The following ZMIZ1 variants were observed in gnomAD, a reference collection of about 807,000 sequenced individuals.
ZMIZ1 encodes the protein zinc finger MIZ-type containing 1, also known as zinc finger MIZ domain-containing protein 1.
ZMIZ1 carries 17 observed loss-of-function variants against 113.9 expected under a neutral mutation model. The ratio of observed to expected loss-of-function variants is 0.15; its 90% CI spans 0.10 to 0.22. The LOEUF (loss-of-function observed/expected upper bound fraction) is 0.22. Among genes scored for constraint, ZMIZ1 ranks in the 10% least tolerant of loss-of-function variants. The pLI is 1.00. For missense variants in ZMIZ1, 1,059 were observed against 1,477.8 expected (o/e 0.72, Z 4.65); for synonymous variants, 607 against 603.1 (o/e 1.01, Z -0.09).
intron 2 of ZMIZ1, among the ~76,000 whole-genome samples, chr10:79,123,875 C>T (rs1190889848): frequency 6.6e-6 from 1 of 152,234 alleles, no homozygotes; most frequent in African/African-American, 2.4e-5. Context: ...CAGCCCGTGG[C>T]CACACGGAGC....
Position 79,128,070 on chromosome 10 carries a change from G to T in ZMIZ1, c.-227+9046G>T, listed in dbSNP as rs555046022. Among the ~76,000 whole-genome samples the T allele has an allele frequency of 9.8e-5, 15 of 152,306 alleles. No individual in the cohort carries two copies. The East Asian group carries it at 2.9e-3, about 29-fold the overall frequency. On this transcript the variant is annotated intron_variant, in intron 2 of 24. Coordinates refer to ENST00000334512, the MANE Select transcript of ZMIZ1 (RefSeq NM_020338.4). Reference sequence around the variant, plus strand: ...AGGAGGCATTGCATGCTCAGCTTCTGAGTCTAAAGAGGGGTCTCTGCAAGA... The same window carrying T: ...AGGAGGCATTGCATGCTCAGCTTCTTAGTCTAAAGAGGGGTCTCTGCAAGA...
intron 1 of ZMIZ1, among the ~76,000 whole-genome samples, chr10:79,070,433 A>G (rs1455040652): frequency 3.3e-5 from 5 of 151,376 alleles, no homozygotes; most frequent in Non-Finnish European, 5.9e-5. Flanking sequence ...GCCGCCGGAG[A>G]AGGCCGGGAG....
intron 1 of ZMIZ1, among the ~76,000 whole-genome samples, chr10:79,115,279 T>C (rs1477590758): frequency 1.3e-5 from 2 of 152,216 alleles, no homozygotes; most frequent in African/African-American, 2.4e-5. Flanking sequence ...CCTTGTGGGC[T>C]TGGAGTTCTC....
At chr10:79,251,023 G>A (rs576014988) in intron 7 of ZMIZ1, among the ~76,000 whole-genome samples, 22 of 152,304 alleles carry the variant, frequency 1.4e-4, no homozygotes, top group African/African-American at 4.8e-4. Context: ...GGGCCAAAAG[G>A]GGAGGGGCTT....
chr10:79,127,697 C>T (rs1460115087), intron 2 of ZMIZ1, among the ~76,000 whole-genome samples: 5 of 152,094 alleles, frequency 3.3e-5, no homozygotes, highest in African/African-American at 1.2e-4. Flanking sequence ...CTTTTTAGAC[C>T]GAGCCAGTGT....
chr10:79,274,829 G>T (rs1180252279), intron 7 of ZMIZ1, among the ~76,000 whole-genome samples: 1 of 152,372 alleles, frequency 6.6e-6, no homozygotes, highest in Middle Eastern at 3.4e-3. Context: ...TCCACTAGGG[G>T]CAGGAGGACA....
rs56903717 is a variant in ZMIZ1, at chr10:79,240,638, C to CTTTTTTTTT, written c.280+24383_280+24391dup. 2.6e-3 allele frequency among the ~76,000 whole-genome samples: 145 copies of CTTTTTTTTT among 55,330 alleles called. 15 individuals are homozygous for CTTTTTTTTT. The highest frequency in any genetic ancestry group is 8.7e-3 in the East Asian group (9 of 1,034). The allele number at this position is 55,330 out of a possible 152,430, so 36.3% of individuals were successfully genotyped here. On this transcript the variant is annotated intron_variant, in intron 7 of 24. Coordinates refer to ENST00000334512, the MANE Select transcript of ZMIZ1 (RefSeq NM_020338.4). ...CGTAAATCTAGTGAAGAGTATTTAT[C>CTTTTTTTTT]TTTTTTTTTTTTTTTTTTTTTTTTT...
chr10:79,083,450 G>T (rs527564194), intron 1 of ZMIZ1, among the ~76,000 whole-genome samples: 1 of 152,312 alleles, frequency 6.6e-6, no homozygotes, highest in Non-Finnish European at 1.5e-5. Flanking sequence ...TCAACAGAGT[G>T]ATCAGGGACC....
chr10:79,312,376 C>T (rs993892518), intron 24 of ZMIZ1, among the ~76,000 whole-genome samples: 5 of 152,384 alleles, frequency 3.3e-5, no homozygotes, highest in Admixed American at 1.3e-4. Flanking sequence ...AAGGGTCAGC[C>T]CTGCTCAGGC....
intron 1 of ZMIZ1, among the ~76,000 whole-genome samples, chr10:79,110,977 G>T (rs1423096968): frequency 1.3e-5 from 2 of 152,216 alleles, no homozygotes; most frequent in Non-Finnish European, 2.9e-5. Flanking sequence ...CAGATGGGGT[G>T]GCCACTGGCA....
intron 4 of ZMIZ1, among the ~76,000 whole-genome samples, chr10:79,170,928 G>A (rs993856302): frequency 3.9e-5 from 6 of 152,140 alleles, no homozygotes; most frequent in African/African-American, 1.4e-4. Flanking sequence ...TTAAGCTGCT[G>A]AGCCCCTAGG....
chr10:79,204,558 G>C (rs1352244138), intron 5 of ZMIZ1, among the ~76,000 whole-genome samples: 1 of 152,178 alleles, frequency 6.6e-6, no homozygotes, highest in Non-Finnish European at 1.5e-5. Context: ...TCTCTCTGGA[G>C]CTATGGGCCC....
At chr10:79,289,395 G>A (rs990290393) in intron 8 of ZMIZ1, among the ~76,000 whole-genome samples, 1 of 152,184 alleles carries the variant, frequency 6.6e-6, no homozygotes, top group African/African-American at 2.4e-5. Flanking sequence ...AAGGTGGTTT[G>A]GGGGAGCCCA....
intron 3 of ZMIZ1, among the ~76,000 whole-genome samples, chr10:79,140,823 C>A (rs779992173): frequency 3.3e-5 from 5 of 152,114 alleles, no homozygotes; most frequent in Non-Finnish European, 5.9e-5. Flanking sequence ...CATTCTGTCA[C>A]CCAGGTTGGA....
intron 7 of ZMIZ1, chr10:79,243,746 C>T (rs562284559): frequency 1.9e-5 from 5 of 263,366 alleles, no homozygotes; most frequent in East Asian, 1.7e-4. Flanking sequence ...TAGGTAAGTG[C>T]GGGGTCGGAG....
Position 79,313,990 on chromosome 10 carries a change from ATG to A in ZMIZ1, c.*1243_*1244del. ...CCAGGCCATGGACATGTGCACCAGT[ATG>A]TACCTGCAGGCATGGGGGGGAGGGG... On this transcript the variant is annotated 3_prime_UTR_variant, in exon 25 of 25. Transcript: ENST00000334512. 4.4e-6 allele frequency: 2 copies of A among 454,086 alleles called. No individual in the cohort carries two copies. The highest frequency in any genetic ancestry group is 3.1e-5 in the South Asian group (2 of 64,280). The allele number at this position is 454,086 out of a possible 1,614,324, so 28.1% of individuals were successfully genotyped here.
At chr10:79,294,888 G>T (rs1267012698) in intron 12 of ZMIZ1, 2 of 151,206 alleles carry the variant, frequency 1.3e-5, no homozygotes, top group African/African-American at 4.9e-5. Flanking sequence ...CCTTAGGATG[G>T]GCGGGGAGGC....
chr10:79,166,941 C>T (rs1846375961), intron 4 of ZMIZ1, among the ~76,000 whole-genome samples: 1 of 152,260 alleles, frequency 6.6e-6, no homozygotes, highest in African/African-American at 2.4e-5. Context: ...CATCTGGCCC[C>T]AGCCTCCTTT....
chr10:79,111,803 A>G (rs1227719375), intron 1 of ZMIZ1, among the ~76,000 whole-genome samples: 1 of 152,238 alleles, frequency 6.6e-6, no homozygotes, highest in Non-Finnish European at 1.5e-5. Context: ...TTTTAAAATT[A>G]CAGCAGGTGT....
Sources: allele counts gnomAD v4.1 joint callset (sites outside exome capture counted in the v4.1 genomes callset), GRCh38; gene constraint gnomAD v4.1.1; transcripts MANE v1.5; gene names NCBI Gene and HGNC (gene_info 2026-07-23, HGNC 2026-07-21).